LRMDA: variants seen among roughly 807,000 people sequenced by gnomAD.
LRMDA encodes the protein leucine rich melanocyte differentiation associated, also known as leucine-rich melanocyte differentiation-associated protein.
Under a neutral mutation model 29.8 loss-of-function variants are expected in LRMDA, and 18 were observed. The ratio of observed to expected loss-of-function variants is 0.60; its 90% CI spans 0.42 to 0.90. The LOEUF is 0.90. LRMDA is among the 40% of genes least tolerant of loss of function. The pLI is 0.00. For missense variants in LRMDA, 273 were observed against 273.9 expected (o/e 1.00, Z 0.02); for synonymous variants, 125 against 109.4 (o/e 1.14, Z -0.89).
chr10:76,250,384 G>T (rs1296062629), intron 5 of LRMDA, among the ~76,000 whole-genome samples: 1 of 152,188 alleles, frequency 6.6e-6, no homozygotes, highest in Non-Finnish European at 1.5e-5. Context: ...CACATTGCAA[G>T]CTTTGATGAT....
chr10:76,410,830 T>A (rs1259160646), intron 6 of LRMDA, among the ~76,000 whole-genome samples: 1 of 152,076 alleles, frequency 6.6e-6, no homozygotes, highest in Admixed American at 6.5e-5. Flanking sequence ...GGTGAGCGCC[T>A]GTAATCCCAG....
In LRMDA at chr10:75,466,153, C is replaced by T. The variant is rs144399994; in HGVS notation, c.131+27659C>T. Among the ~76,000 whole-genome samples, 182 of 152,312 alleles carry T rather than the reference C, an allele frequency of 1.2e-3. 2 individuals carry two copies. The highest frequency in any genetic ancestry group is 3.8e-3 in the African/African-American group (159 of 41,566). Reference sequence around the variant, plus strand: ...AATTGTGGGTGCTTGCCTGGCTTCCCAGGCGAGAACCATAAGCAATTATTA... The same window carrying T: ...AATTGTGGGTGCTTGCCTGGCTTCCTAGGCGAGAACCATAAGCAATTATTA... On this transcript the variant is annotated intron_variant, in intron 2 of 6. Transcript: ENST00000611255.
intron 2 of LRMDA, among the ~76,000 whole-genome samples, chr10:75,633,167 C>T (rs750386396): frequency 5.9e-5 from 9 of 152,162 alleles, no homozygotes; most frequent in Non-Finnish European, 8.8e-5. Flanking sequence ...AGCCTTTGTG[C>T]GCACATTCTT....
chr10:75,901,431 C>T (rs568319654), intron 2 of LRMDA, among the ~76,000 whole-genome samples: 31 of 152,114 alleles, frequency 2.0e-4, no homozygotes, highest in Admixed American at 1.5e-3. Context: ...TCTCCCAAAA[C>T]CTAAATGAGG....
At chr10:75,599,526 G>A (rs1041454929) in intron 2 of LRMDA, among the ~76,000 whole-genome samples, 1 of 152,164 alleles carries the variant, frequency 6.6e-6, no homozygotes, top group Non-Finnish European at 1.5e-5. Flanking sequence ...ATGGTCTTAT[G>A]GTGAGTATGG....
chr10:75,973,816 C>T (rs189698639), intron 2 of LRMDA, among the ~76,000 whole-genome samples: 2 of 152,104 alleles, frequency 1.3e-5, no homozygotes, highest in East Asian at 3.9e-4. Context: ...GTCAGAAGTA[C>T]CCCAGGAGGT....
intron 5 of LRMDA, among the ~76,000 whole-genome samples, chr10:76,220,342 G>A (rs924318576): frequency 1.2e-4 from 18 of 151,736 alleles, no homozygotes; most frequent in Admixed American, 4.6e-4. Context: ...GGTTTTTTTT[G>A]AAAGGATCAA....
chr10:75,569,003 A>G (rs1246522581), intron 2 of LRMDA, among the ~76,000 whole-genome samples: 2 of 152,082 alleles, frequency 1.3e-5, no homozygotes, highest in Non-Finnish European at 2.9e-5. Context: ...GCACTGTGGG[A>G]AGGGTGCTGG....
chr10:76,391,279 C>A (rs969751328), intron 6 of LRMDA, among the ~76,000 whole-genome samples: 2 of 152,098 alleles, frequency 1.3e-5, no homozygotes, highest in Non-Finnish European at 2.9e-5. Flanking sequence ...TAGCTGCAGA[C>A]AAAGAGAGTG....
At chr10:76,121,047 T>C (rs1364479161) in intron 5 of LRMDA, among the ~76,000 whole-genome samples, 1 of 151,960 alleles carries the variant, frequency 6.6e-6, no homozygotes. Flanking sequence ...TGCTTTTTCT[T>C]TATCTTAGAC....
At chr10:75,605,065 A>ACC (rs1840938801) in intron 2 of LRMDA, among the ~76,000 whole-genome samples, 1 of 152,212 alleles carries the variant, frequency 6.6e-6, no homozygotes, top group Non-Finnish European at 1.5e-5. Flanking sequence ...CATTGGGACA[A>ACC]CTTGCTTAGT....
intron 2 of LRMDA, among the ~76,000 whole-genome samples, chr10:75,969,243 T>G (rs1330729301): frequency 6.6e-6 from 1 of 152,228 alleles, no homozygotes; most frequent in African/African-American, 2.4e-5. Context: ...CTCAGCTGCT[T>G]CTTTTCTTTG....
intron 2 of LRMDA, among the ~76,000 whole-genome samples, chr10:75,596,526 A>G (rs1840789914): frequency 6.6e-6 from 1 of 152,036 alleles, no homozygotes; most frequent in East Asian, 1.9e-4. Flanking sequence ...TCATTTTTCC[A>G]TCTGAGTCTA....
At chr10:75,968,186 A>G (rs1006135739) in intron 2 of LRMDA, among the ~76,000 whole-genome samples, 4 of 151,986 alleles carry the variant, frequency 2.6e-5, no homozygotes, top group African/African-American at 9.7e-5. Flanking sequence ...AGGCCTGTGA[A>G]TCATGTTAGT....
At chr10:76,216,354 T>G (rs1193867346) in intron 5 of LRMDA, among the ~76,000 whole-genome samples, 1 of 152,132 alleles carries the variant, frequency 6.6e-6, no homozygotes, top group Non-Finnish European at 1.5e-5. Context: ...AGACCTTGTC[T>G]CTAAGAAAAA....
At chr10:75,581,539 C>T (rs1216708193) in intron 2 of LRMDA, among the ~76,000 whole-genome samples, 1 of 152,106 alleles carries the variant, frequency 6.6e-6, no homozygotes, top group East Asian at 1.9e-4. Context: ...CCAGAAATCC[C>T]ATTTGACCCA....
intron 5 of LRMDA, among the ~76,000 whole-genome samples, chr10:76,215,339 T>C (rs968516618): frequency 2.0e-5 from 3 of 152,184 alleles, no homozygotes; most frequent in African/African-American, 7.2e-5. Flanking sequence ...GTATCTGAGA[T>C]GGCAAATGCA....
chr10:76,230,377 GA>G (rs1852035840), intron 5 of LRMDA, among the ~76,000 whole-genome samples: 1 of 151,498 alleles, frequency 6.6e-6, no homozygotes, highest in South Asian at 2.1e-4. Flanking sequence ...TACTTTTTTG[GA>G]TATTATTCTG....
chr10:76,504,697 C>T (rs1161537469), intron 6 of LRMDA, among the ~76,000 whole-genome samples: 1 of 151,994 alleles, frequency 6.6e-6, no homozygotes, highest in Non-Finnish European at 1.5e-5. Context: ...GATGTCATTA[C>T]GTATGAGATG....
Sources: gnomAD v4.1 joint callset for allele counts (sites outside exome capture counted in the v4.1 genomes callset) on GRCh38, gnomAD v4.1.1 for gene constraint, MANE v1.5 for transcripts, NCBI Gene and HGNC (gene_info 2026-07-23, HGNC 2026-07-21) for gene names.